SH3GL1: variants seen among roughly 807,000 people sequenced by gnomAD.
The protein encoded by SH3GL1 is SH3 domain containing GRB2 like 1, endophilin A2.
Under a neutral mutation model 48.8 loss-of-function variants are expected in SH3GL1, and 21 were observed. The observed-to-expected ratio is 0.43, with a 90% CI of 0.30 to 0.62. The LOEUF (loss-of-function observed/expected upper bound fraction) is 0.62, where lower values mean the gene tolerates loss of function less well. Among genes scored for constraint, SH3GL1 ranks in the 20% least tolerant of loss-of-function variants. The pLI is 0.11. For missense variants in SH3GL1, 454 were observed against 503.0 expected (o/e 0.90, Z 0.93); for synonymous variants, 282 against 217.5 (o/e 1.30, Z -2.61).
intron 1 of SH3GL1, among the ~76,000 whole-genome samples, chr19:4,370,064 G>A (rs770690089): frequency 1.3e-5 from 2 of 152,260 alleles, no homozygotes; most frequent in Non-Finnish European, 2.9e-5. Flanking sequence ...GGAGGGGACC[G>A]AGAGTCTGCG....
chr19:4,393,910 C>T (rs1973381669), intron 1 of SH3GL1, among the ~76,000 whole-genome samples: 1 of 152,034 alleles, frequency 6.6e-6, no homozygotes, highest in African/African-American at 2.4e-5. Context: ...TTACTCTGAC[C>T]TACAGCCCCC....
rs567329492 is a variant in SH3GL1, at chr19:4,388,548, G to T, written c.45+11776C>A. Among the ~76,000 whole-genome samples the T allele has an allele frequency of 1.0e-3, 153 of 152,344 alleles. 1 individual carries two copies. Among genetic ancestry groups the T allele is most frequent in the African/African-American group, 3.5e-3 (146 of 41,572 alleles). On this transcript the variant is annotated intron_variant, in intron 1 of 9. Coordinates refer to ENST00000269886, the MANE Select transcript of SH3GL1 (RefSeq NM_003025.4). ...GTCACTGCAGCAACTGGGCACAGAG[G>T]CCAGGGAGAGAGCTGCAGGATGGGT...
Position 4,369,626 on chromosome 19 carries a change from T to A in SH3GL1, c.46-2632A>T, listed in dbSNP as rs1568411044. Among the ~76,000 whole-genome samples the A allele has an allele frequency of 2.6e-5, 4 of 152,178 alleles. No homozygotes were observed. The East Asian group carries it at 7.7e-4, about 29-fold the overall frequency. ...AAAGACCCACCTGGTGGCCTCTGGC[T>A]CTGGCCCTGGCCCCACCTGCCCATC... is the stretch of plus-strand genomic sequence containing the variant. On this transcript the variant is annotated intron_variant, in intron 1 of 9. Transcript: ENST00000269886.
intron 4 of SH3GL1, chr19:4,364,615 G>C (rs1180828504): frequency 7.6e-6 from 2 of 262,700 alleles, no homozygotes; most frequent in Non-Finnish European, 1.5e-5. Context: ...ATTTTTAATA[G>C]AGACGGGGTT....
intron 2 of SH3GL1, 117 bp from the exon 3 acceptor site, chr19:4,366,690 CT>C: frequency 9.8e-7 from 1 of 1,015,260 alleles, no homozygotes; most frequent in Non-Finnish European, 1.5e-6. Flanking sequence ...CCCCAACCCC[CT>C]CTCCATGTCT....
At chr19:4,365,020 G>A (rs1972740847) in intron 4 of SH3GL1, among the ~76,000 whole-genome samples, 1 of 151,636 alleles carries the variant, frequency 6.6e-6, no homozygotes, top group African/African-American at 2.4e-5. Flanking sequence ...CTCCCAAAGT[G>A]TTGGGATTAC....
chr19:4,368,260 G>T (rs1351990306), intron 1 of SH3GL1, among the ~76,000 whole-genome samples: 1 of 152,260 alleles, frequency 6.6e-6, no homozygotes, highest in Non-Finnish European at 1.5e-5. Flanking sequence ...GTGCCACACT[G>T]CGTTGGCTGT....
chr19:4,364,048 G>C, intron 5 of SH3GL1, 40 bp downstream of exon 5: 5 of 1,611,124 alleles, frequency 3.1e-6, no homozygotes, highest in Non-Finnish European at 4.2e-6. Context: ...CCATCCGGCA[G>C]GGGGAAGGGA....
intron 1 of SH3GL1, among the ~76,000 whole-genome samples, chr19:4,381,689 C>CA (rs1973135237): frequency 8.5e-5 from 3 of 35,150 alleles, no homozygotes; most frequent in African/African-American, 3.0e-4. Flanking sequence ...CCCCACACGC[C>CA]TTTTTTTTTT....
At chr19:4,391,078 G>A (rs1284632068) in intron 1 of SH3GL1, among the ~76,000 whole-genome samples, 1 of 152,196 alleles carries the variant, frequency 6.6e-6, no homozygotes, top group African/African-American at 2.4e-5. Flanking sequence ...GCAGGTCTGA[G>A]CGGGACGGGC....
chr19:4,380,488 T>C (rs1332662927), intron 1 of SH3GL1, among the ~76,000 whole-genome samples: 2 of 151,988 alleles, frequency 1.3e-5, no homozygotes, highest in African/African-American at 4.8e-5. Context: ...GGGCATGACA[T>C]GAGCCTGCAG....
At chr19:4,394,423 G>C (rs1244145726) in intron 1 of SH3GL1, among the ~76,000 whole-genome samples, 1 of 152,144 alleles carries the variant, frequency 6.6e-6, no homozygotes, top group African/African-American at 2.4e-5. Flanking sequence ...AGGGAGATGG[G>C]ACCATGACGG....
Position 4,364,193 on chromosome 19 carries a change from G to A in SH3GL1, c.360C>T (p.Ser120=). The change falls in exon 5 of 10, where the codon TCC becomes TCT. Residue 120 remains serine (S), a synonymous_variant. Coordinates refer to ENST00000269886, the MANE Select transcript of SH3GL1 (RefSeq NM_003025.4). ...CCTTCACCTCTGCCAGGCGCTTCAT[G>A]GACTCGCCGGCATCCAGCAATGCGT... ...FGDALLDAGE[S]MKRLAEVKDS... 6.2e-7 allele frequency: 1 copy of A among 1,613,874 alleles called. No individual in the cohort carries two copies. Among genetic ancestry groups the A allele is most frequent in the Non-Finnish European group, 8.5e-7 (1 of 1,180,026 alleles).
intron 1 of SH3GL1, among the ~76,000 whole-genome samples, chr19:4,387,288 TA>T (rs1973253642): frequency 6.6e-6 from 1 of 151,148 alleles, no homozygotes; most frequent in Non-Finnish European, 1.5e-5. Context: ...TGGGCACTAC[TA>T]TAGTACAGGC....
chr19:4,390,806 G>A (rs1320109850), intron 1 of SH3GL1, among the ~76,000 whole-genome samples: 2 of 151,962 alleles, frequency 1.3e-5, no homozygotes, highest in East Asian at 3.9e-4. Context: ...GACCTCAGGG[G>A]CTTGGAAAAG....
chr19:4,371,441 G>A (rs1285270930), intron 1 of SH3GL1, among the ~76,000 whole-genome samples: 1 of 152,246 alleles, frequency 6.6e-6, no homozygotes, highest in African/African-American at 2.4e-5. Flanking sequence ...GGCGGCCTTG[G>A]GATTTAAACA....
chr19:4,364,472 C>G lies in SH3GL1; in HGVS notation c.332-251G>C, dbSNP rs1280258857. 3 of 508,440 alleles carry G rather than the reference C, an allele frequency of 5.9e-6. No individual in the cohort carries two copies. In the Admixed American group the frequency reaches 9.7e-5, roughly 16 times the overall value. 31.5% of individuals were successfully genotyped at this position (508,440 alleles called of 1,614,324 possible). A position where few individuals can be genotyped will look rare whatever the true frequency, so the allele number is the denominator to read the frequency against. ...CTTTGAGATGAAGTCTCGCTGTTGC[C>G]CAGGCTGCAGTGCAGTGGCATGATC... On this transcript the variant is annotated intron_variant, in intron 4 of 9. Coordinates refer to ENST00000269886, the MANE Select transcript of SH3GL1 (RefSeq NM_003025.4).
chr19:4,366,876 C>G, intron 2 of SH3GL1, 50 bp downstream of exon 2: 1 of 1,572,518 alleles, frequency 6.4e-7, no homozygotes, highest in Non-Finnish European at 8.7e-7. Context: ...CGGCAGAGGT[C>G]AGGCCCCAGC....
chr19:4,397,068 A>T (rs1973438679), intron 1 of SH3GL1, among the ~76,000 whole-genome samples: 1 of 152,214 alleles, frequency 6.6e-6, no homozygotes. Context: ...ACTTTCCAAC[A>T]GGCACAGCAG....
Sources: allele counts gnomAD v4.1 joint callset (sites outside exome capture counted in the v4.1 genomes callset), GRCh38; gene constraint gnomAD v4.1.1; transcripts MANE v1.5; gene names NCBI Gene and HGNC (gene_info 2026-07-23, HGNC 2026-07-21).